Variants in FGF14 observed in about 807,000 individuals in gnomAD.
FGF14 encodes the protein fibroblast growth factor homologous factor 4.
Under a neutral mutation model 25.5 loss-of-function variants are expected in FGF14, and 5 were observed. The observed-to-expected ratio is 0.20, with a 90% CI of 0.10 to 0.41. The LOEUF (loss-of-function observed/expected upper bound fraction) is 0.41. Ranked by LOEUF, FGF14 falls within the 10% of genes least tolerant of loss-of-function variation. The pLI is 1.00. For missense variants in FGF14, 222 were observed against 320.1 expected (o/e 0.69, Z 2.34); for synonymous variants, 138 against 118.3 (o/e 1.17, Z -1.08).
intron 1 of FGF14, among the ~76,000 whole-genome samples, chr13:102,042,506 T>C (rs1403923032): frequency 6.6e-6 from 1 of 152,150 alleles, no homozygotes; most frequent in Non-Finnish European, 1.5e-5. Flanking sequence ...ACATGTCTTT[T>C]TTATTCAGTA....
chr13:102,073,267 T>C (rs1040950345), intron 1 of FGF14, among the ~76,000 whole-genome samples: 1 of 152,002 alleles, frequency 6.6e-6, no homozygotes, highest in Non-Finnish European at 1.5e-5. Flanking sequence ...AATTAATAAA[T>C]AAACAAAAAT....
At chr13:102,275,232 A>ATT (rs1555391821) in intron 1 of FGF14, among the ~76,000 whole-genome samples, 17 of 92,486 alleles carry the variant, frequency 1.8e-4, no homozygotes, top group Admixed American at 1.6e-3. Flanking sequence ...GATTAGGCAG[A>ATT]TTTCTCTCTC....
At position 101,721,384 on chromosome 13, in the gene FGF14, TAAAAG is replaced by T. The variant is rs1199498929; in HGVS notation, c.*1442_*1446del. The T allele has an allele frequency of 4.6e-5, 7 of 151,894 alleles. No individual in the cohort carries two copies. Among genetic ancestry groups the T allele is most frequent in the African/African-American group, 1.2e-4 (5 of 41,346 alleles). 9.4% of individuals were successfully genotyped at this position (151,894 alleles called of 1,614,324 possible). A position where few individuals can be genotyped will look rare whatever the true frequency, so the allele number is the denominator to read the frequency against. On this transcript the variant is annotated 3_prime_UTR_variant, in exon 5 of 5. Transcript: ENST00000376143. Reference sequence around the variant, plus strand: ...TAAAAAGGAAATTAAGAATGCAAAATAAAAGAAAATAAATGGAATGGACCAAAATC... The same window carrying T: ...TAAAAAGGAAATTAAGAATGCAAAATAAAATAAATGGAATGGACCAAAATC...
intron 1 of FGF14, among the ~76,000 whole-genome samples, chr13:102,039,274 C>A (rs1419380131): frequency 1.3e-5 from 2 of 152,100 alleles, no homozygotes. Flanking sequence ...TTTTCTTTCA[C>A]CAGATGGAAA....
intron 1 of FGF14, among the ~76,000 whole-genome samples, chr13:102,277,783 A>T (rs897151671): frequency 6.6e-6 from 1 of 152,222 alleles, no homozygotes; most frequent in Non-Finnish European, 1.5e-5. Context: ...CATCCATTAC[A>T]GTGAACCCAC....
intron 1 of FGF14, among the ~76,000 whole-genome samples, chr13:101,953,995 A>G (rs2036348665): frequency 6.6e-6 from 1 of 152,190 alleles, no homozygotes; most frequent in African/African-American, 2.4e-5. Flanking sequence ...TTGAGGGAAT[A>G]ACTAGAGATT....
chr13:102,324,133 A>G (rs1040177849), intron 1 of FGF14, among the ~76,000 whole-genome samples: 1 of 152,138 alleles, frequency 6.6e-6, no homozygotes, highest in African/African-American at 2.4e-5. Context: ...GACAATAATC[A>G]TAGCTATAAA....
intron 3 of FGF14, among the ~76,000 whole-genome samples, chr13:101,753,373 T>C (rs1011592472): frequency 2.6e-5 from 4 of 152,238 alleles, no homozygotes; most frequent in Admixed American, 1.3e-4. Flanking sequence ...CTAAATTCTA[T>C]TTTAGTTCCA....
intron 1 of FGF14, among the ~76,000 whole-genome samples, chr13:102,231,669 C>T (rs746261472): frequency 2.9e-4 from 44 of 152,206 alleles, no homozygotes; most frequent in Non-Finnish European, 5.4e-4. Flanking sequence ...TATCTCGTTA[C>T]TCATGAGAAC....
intron 1 of FGF14, among the ~76,000 whole-genome samples, chr13:102,298,401 G>A (rs953697452): frequency 3.3e-5 from 5 of 152,080 alleles, no homozygotes; most frequent in African/African-American, 4.8e-5. Context: ...AGGCATGTGT[G>A]TATCATTTTT....
At chr13:101,843,567 TACTTA>T (rs1430129046) in intron 3 of FGF14, among the ~76,000 whole-genome samples, 11 of 152,098 alleles carry the variant, frequency 7.2e-5, no homozygotes, top group South Asian at 4.1e-4. Flanking sequence ...TTGAAATATA[TACTTA>T]ACTTGAGTAG....
intron 1 of FGF14, among the ~76,000 whole-genome samples, chr13:101,932,755 G>GT (rs1491420907): frequency 4.7e-4 from 26 of 54,836 alleles, no homozygotes; most frequent in African/African-American, 1.2e-3. Context: ...TAAAATTACA[G>GT]TAAAAAAAAA....
chr13:101,977,663 A>C (rs902226767), intron 1 of FGF14, among the ~76,000 whole-genome samples: 1 of 152,196 alleles, frequency 6.6e-6, no homozygotes, highest in Non-Finnish European at 1.5e-5. Flanking sequence ...CAATCTTGCA[A>C]ATGGAAACCG....
At chr13:101,895,990 T>C (rs2030601669) in intron 1 of FGF14, among the ~76,000 whole-genome samples, 1 of 152,182 alleles carries the variant, frequency 6.6e-6, no homozygotes, top group South Asian at 2.1e-4. Context: ...TAAATACCTG[T>C]TTGGTTTGAT....
intron 1 of FGF14, among the ~76,000 whole-genome samples, chr13:102,133,201 T>A (rs1431505350): frequency 6.6e-6 from 1 of 152,236 alleles, no homozygotes; most frequent in Non-Finnish European, 1.5e-5. Context: ...TAATTCTAGG[T>A]CTGCACTGAT....
In FGF14 at chr13:101,864,174, C is replaced by A. The variant is rs16959395; in HGVS notation, c.408+4551G>T. Among the ~76,000 whole-genome samples the A allele has an allele frequency of 5.2e-3, 786 of 152,190 alleles. 8 individuals are homozygous for A. Among genetic ancestry groups the A allele is most frequent in the African/African-American group, 0.018 (743 of 41,520 alleles). On this transcript the variant is annotated intron_variant, in intron 3 of 4. Coordinates refer to ENST00000376143, the MANE Select transcript of FGF14 (RefSeq NM_004115.4). The stretch of plus-strand genomic sequence containing the variant: ...GGATAGGTAGGAGAGGTGATGCCAG[C>A]CCACAGAGATGACCAGTCCCTATTC...
chr13:102,019,852 G>A (rs16959621), intron 1 of FGF14, among the ~76,000 whole-genome samples: 4,819 of 152,218 alleles, frequency 0.032, 246 homozygotes, highest in African/African-American at 0.11. Flanking sequence ...GACTCGTATT[G>A]TTGCCAAGAA....
chr13:101,984,221 A>G (rs1455401182), intron 1 of FGF14, among the ~76,000 whole-genome samples: 1 of 152,050 alleles, frequency 6.6e-6, no homozygotes, highest in Non-Finnish European at 1.5e-5. Context: ...AAATCCCAAG[A>G]TTGGCATTGT....
intron 1 of FGF14, among the ~76,000 whole-genome samples, chr13:102,362,988 G>GA (rs1179322382): frequency 6.6e-6 from 1 of 151,804 alleles, no homozygotes; most frequent in Non-Finnish European, 1.5e-5. Context: ...CTTTCTATAG[G>GA]AAAAAAACTC....
Sources: gnomAD v4.1 joint callset for allele counts (sites outside exome capture counted in the v4.1 genomes callset) on GRCh38, gnomAD v4.1.1 for gene constraint, MANE v1.5 for transcripts, NCBI Gene and HGNC (gene_info 2026-07-23, HGNC 2026-07-21) for gene names.